Variants in CDH4 observed in about 807,000 individuals in gnomAD.
CDH4 encodes the protein cadherin 4, also known as cadherin-4.
A neutral mutation model predicts 86.0 loss-of-function variants in CDH4; 33 were observed. The observed-to-expected ratio is 0.38, with a 90% CI of 0.29 to 0.51. The LOEUF (loss-of-function observed/expected upper bound fraction) is 0.51, where lower values mean the gene tolerates loss of function less well. CDH4 is among the 20% of genes least tolerant of loss of function. The probability of loss-of-function intolerance (pLI) is 0.86; values close to 1 mark genes in which losing one functional copy is unlikely to be tolerated. For missense variants in CDH4, 1,114 were observed against 1,307.4 expected (o/e 0.85, Z 2.28); for synonymous variants, 555 against 549.4 (o/e 1.01, Z -0.14).
At chr20:61,651,117 G>A (rs1248960997) in intron 2 of CDH4, among the ~76,000 whole-genome samples, 5 of 152,002 alleles carry the variant, frequency 3.3e-5, no homozygotes, top group Non-Finnish European at 4.4e-5. Context: ...AGTTAGCACC[G>A]TGCTTGGCCG....
At chr20:61,527,748 T>G (rs2085921403) in intron 2 of CDH4, among the ~76,000 whole-genome samples, 1 of 152,006 alleles carries the variant, frequency 6.6e-6, no homozygotes. Context: ...GAGGGCCTTG[T>G]GGAGACGTCT....
At chr20:61,469,649 G>A (rs576302156) in intron 2 of CDH4, among the ~76,000 whole-genome samples, 36 of 152,238 alleles carry the variant, frequency 2.4e-4, no homozygotes, top group Non-Finnish European at 4.7e-4. Context: ...CAGTGTCTTG[G>A]AAAGTTTCCC....
chr20:61,641,154 C>T (rs1323611280), intron 2 of CDH4, among the ~76,000 whole-genome samples: 3 of 152,144 alleles, frequency 2.0e-5, no homozygotes, highest in Admixed American at 2.0e-4. Flanking sequence ...AAGGGGACCC[C>T]GGAGAGGGAG....
At chr20:61,840,355 C>T (rs1403764433) in intron 4 of CDH4, among the ~76,000 whole-genome samples, 2 of 152,138 alleles carry the variant, frequency 1.3e-5, no homozygotes, top group African/African-American at 2.4e-5. Flanking sequence ...AAAGTGTCTG[C>T]GATTCAAAAC....
chr20:61,710,174 G>T (rs567449967), intron 2 of CDH4, among the ~76,000 whole-genome samples: 107 of 152,280 alleles, frequency 7.0e-4, no homozygotes, highest in African/African-American at 2.5e-3. Flanking sequence ...TCAACTCGGT[G>T]TTTTTTCCCA....
chr20:61,546,592 G>A (rs2086089127), intron 2 of CDH4, among the ~76,000 whole-genome samples: 1 of 151,764 alleles, frequency 6.6e-6, no homozygotes, highest in African/African-American at 2.4e-5. Flanking sequence ...AGGGAGGGGG[G>A]TGTGTGTTTC....
At chr20:61,625,308 A>G (rs1297880868) in intron 2 of CDH4, among the ~76,000 whole-genome samples, 4 of 152,176 alleles carry the variant, frequency 2.6e-5, no homozygotes, top group African/African-American at 9.7e-5. Context: ...TTTAATTAGT[A>G]TATTCATTCA....
chr20:61,272,161 A>G (rs914688022), intron 2 of CDH4, among the ~76,000 whole-genome samples: 2 of 152,178 alleles, frequency 1.3e-5, no homozygotes, highest in Non-Finnish European at 2.9e-5. Context: ...GCCTGCTGGC[A>G]CTCAGGATTG....
intron 2 of CDH4, among the ~76,000 whole-genome samples, chr20:61,673,463 C>G (rs1208499700): frequency 1.3e-5 from 2 of 152,232 alleles, no homozygotes; most frequent in Non-Finnish European, 2.9e-5. Flanking sequence ...CCCTGCCCTT[C>G]TGCTCCTAGC....
intron 6 of CDH4, among the ~76,000 whole-genome samples, chr20:61,854,627 G>A (rs564179921): frequency 2.5e-4 from 38 of 149,702 alleles, no homozygotes; most frequent in African/African-American, 7.7e-4. Context: ...TGTGAACAGG[G>A]TGAATTGCAC....
chr20:61,827,624 C>G (rs568598844), intron 4 of CDH4, among the ~76,000 whole-genome samples: 1 of 152,208 alleles, frequency 6.6e-6, no homozygotes, highest in African/African-American at 2.4e-5. Context: ...AAATAAAAGA[C>G]CAGCCCAATA....
intron 15 of CDH4, among the ~76,000 whole-genome samples, chr20:61,935,074 C>CT (rs2055165701): frequency 6.6e-6 from 1 of 152,236 alleles, no homozygotes; most frequent in Non-Finnish European, 1.5e-5. Context: ...GGCAGTGACT[C>CT]TGAGGCTCCA....
intron 2 of CDH4, chr20:61,570,424 C>T: frequency 2.1e-6 from 1 of 486,778 alleles, no homozygotes; most frequent in South Asian, 2.9e-5. Flanking sequence ...CTTTGGGCTT[C>T]AGCAGCCCTG....
At chr20:61,498,663 G>T (rs1334772135) in intron 2 of CDH4, among the ~76,000 whole-genome samples, 12 of 152,144 alleles carry the variant, frequency 7.9e-5, no homozygotes, top group Admixed American at 7.9e-4. Flanking sequence ...CTCTGTCCAG[G>T]GTGGTCTAAT....
Position 61,811,729 on chromosome 20 carries a change from T to C in CDH4, c.577-32939T>C, listed in dbSNP as rs1404140484. On this transcript the variant is annotated intron_variant, in intron 4 of 15. Transcript: ENST00000614565. This position sits in a 1 kb window ranked among gnomAD's most constrained non-coding sequence, Gnocchi z 4.4. ...TTGGCACCCCCAGGCTGGAGTGCAG[T>C]GCCACGATCTCCACTCACTGCAACC... is the stretch of plus-strand genomic sequence containing the variant. Among the ~76,000 whole-genome samples, 1 of 147,822 alleles carries C rather than the reference T, an allele frequency of 6.8e-6. No individual in the cohort carries two copies. Among genetic ancestry groups the C allele is most frequent in the Non-Finnish European group, 1.5e-5 (1 of 67,328 alleles).
chr20:61,462,675 C>T (rs1028215487), intron 2 of CDH4, among the ~76,000 whole-genome samples: 4 of 152,224 alleles, frequency 2.6e-5, no homozygotes, highest in Admixed American at 1.3e-4. Context: ...GGGCTCCCCC[C>T]TCTCCCTCCT....
At chr20:61,843,915 C>T (rs1194773032) in intron 4 of CDH4, among the ~76,000 whole-genome samples, 2 of 152,184 alleles carry the variant, frequency 1.3e-5, no homozygotes, top group African/African-American at 2.4e-5. Flanking sequence ...CCTGAGGGAA[C>T]CCCCAGGCTC....
chr20:61,633,653 G>T (rs2086917700), intron 2 of CDH4, among the ~76,000 whole-genome samples: 1 of 152,230 alleles, frequency 6.6e-6, no homozygotes. Flanking sequence ...CTGGCAGCAA[G>T]GGTGAGTTGT....
intron 15 of CDH4, among the ~76,000 whole-genome samples, chr20:61,935,146 G>A (rs1313407732): frequency 3.3e-5 from 5 of 152,324 alleles, no homozygotes; most frequent in East Asian, 1.9e-4. Flanking sequence ...TCTAGTCGGC[G>A]TGAGCCCCTG....
Sources: gnomAD v4.1 joint callset for allele counts (sites outside exome capture counted in the v4.1 genomes callset) on GRCh38, gnomAD v4.1.1 for gene constraint, Gnocchi (gnomAD v3.1) non-coding constraint, MANE v1.5 for transcripts, NCBI Gene and HGNC (gene_info 2026-07-23, HGNC 2026-07-21) for gene names.